The following GRID2 variants were observed in gnomAD, a reference collection of about 807,000 sequenced individuals.
GRID2 encodes the protein glutamate receptor ionotropic, delta-2.
A neutral mutation model predicts 114.8 loss-of-function variants in GRID2; 33 were observed. The ratio of observed to expected loss-of-function variants is 0.29; its 90% CI spans 0.22 to 0.38. The LOEUF (loss-of-function observed/expected upper bound fraction) is 0.38, where lower values mean the gene tolerates loss of function less well. Ranked by LOEUF, GRID2 falls within the 10% of genes least tolerant of loss-of-function variation. The pLI, the probability that GRID2 is intolerant of heterozygous loss-of-function variation, is 1.00. For missense variants in GRID2, 1,184 were observed against 1,257.7 expected, an observed-to-expected ratio of 0.94 and a Z score of 0.89; for synonymous variants, 505 against 449.9, an observed-to-expected ratio of 1.12 and a Z score of -1.55.
intron 4 of GRID2, among the ~76,000 whole-genome samples, chr4:93,160,369 C>T (rs1351293893): frequency 1.3e-5 from 2 of 151,736 alleles, no homozygotes; most frequent in East Asian, 3.9e-4. Context: ...TCCAGTTCGT[C>T]TCGAGTCTTA....
chr4:93,431,526 T>C (rs543649480), intron 10 of GRID2, among the ~76,000 whole-genome samples: 3 of 152,208 alleles, frequency 2.0e-5, no homozygotes, highest in Non-Finnish European at 4.4e-5. Flanking sequence ...GTTCACTAGA[T>C]TGGCCATTTG....
chr4:93,471,945 C>A (rs921746183), intron 11 of GRID2, among the ~76,000 whole-genome samples: 4 of 150,274 alleles, frequency 2.7e-5, no homozygotes, highest in Non-Finnish European at 5.9e-5. Flanking sequence ...GGTGGTCCGC[C>A]TGCCTTGGCC....
In GRID2 at chr4:93,633,049, A is replaced by C. The variant is rs181162897; in HGVS notation, c.2360+6614A>C. ...TTACTGGTGTATAAGATCTCTTTCT[A>C]TCTCTCTCTCTCTACACATGCATGC... On this transcript the variant is annotated intron_variant, in intron 14 of 15. Transcript: ENST00000282020. Among the ~76,000 whole-genome samples, 625 of 151,154 alleles carry C rather than the reference A, an allele frequency of 4.1e-3. 2 individuals carry two copies. Among genetic ancestry groups the C allele is most frequent in the African/African-American group, 0.014 (585 of 41,248 alleles).
rs149785206 is a variant in GRID2 at position 93,702,628 on chromosome 4, C to T, written c.2361-66582C>T. 2.7e-3 allele frequency among the ~76,000 whole-genome samples: 404 copies of T among 152,238 alleles called. 4 individuals carry two copies. The highest frequency in any genetic ancestry group is 9.3e-3 in the African/African-American group (386 of 41,566). On this transcript the variant is annotated intron_variant, in intron 14 of 15. Transcript: ENST00000282020. ...AATTGGAAACACGGAATTTATGGCA[C>T]ACCTTCAACATTAATGGCAAATAGC...
intron 2 of GRID2, among the ~76,000 whole-genome samples, chr4:92,844,879 C>CT (rs1743190908): frequency 1.3e-5 from 2 of 152,018 alleles, no homozygotes; most frequent in East Asian, 1.9e-4. Context: ...TAAAAAGTAT[C>CT]TTTTTTACTG....
chr4:93,128,044 A>AC (rs1560908443), intron 4 of GRID2, among the ~76,000 whole-genome samples: 2 of 143,550 alleles, frequency 1.4e-5, no homozygotes, highest in African/African-American at 5.4e-5. Flanking sequence ...AAAAAAAAAA[A>AC]AAAAAAAAAA....
intron 1 of GRID2, among the ~76,000 whole-genome samples, chr4:93,804,449 G>T (rs189697537): frequency 1.3e-5 from 2 of 152,180 alleles, no homozygotes. Context: ...ACAGAATACC[G>T]CAGGCAATTG....
intron 3 of GRID2, among the ~76,000 whole-genome samples, chr4:93,099,961 T>C (rs1259777095): frequency 6.6e-6 from 1 of 151,916 alleles, no homozygotes; most frequent in Non-Finnish European, 1.5e-5. Flanking sequence ...CTGATGACTA[T>C]AATATTACTG....
intron 13 of GRID2, among the ~76,000 whole-genome samples, chr4:93,535,231 T>TACACACACACACACACACACAC (rs141785727): frequency 1.4e-5 from 2 of 142,276 alleles, no homozygotes; most frequent in Non-Finnish European, 3.1e-5. Context: ...CACATACACA[T>TACACACACACACACACACACAC]ACACACACAC....
At position 93,061,039 on chromosome 4, in the gene GRID2, G is replaced by A. The variant is rs992126741; in HGVS notation, c.245-23956G>A. 5.9e-5 allele frequency among the ~76,000 whole-genome samples: 9 copies of A among 151,994 alleles called. No homozygotes were observed. In the East Asian group the frequency reaches 7.8e-4, roughly 13 times the overall value. ...AATTGCTTGACCCTGAGAGGCGGACGTTGCAGTGAGCCAAAATTGCACCAC... is the reference window on the plus strand; with the variant it reads ...AATTGCTTGACCCTGAGAGGCGGACATTGCAGTGAGCCAAAATTGCACCAC... On this transcript the variant is annotated intron_variant, in intron 2 of 15. Transcript: ENST00000282020.
At chr4:93,138,690 C>A in intron 4 of GRID2, among the ~76,000 whole-genome samples, 1 of 152,204 alleles carries the variant, frequency 6.6e-6, no homozygotes, top group East Asian at 1.9e-4. Context: ...CAGTTCTCTT[C>A]CTATCTCTAT....
chr4:92,679,602 AG>A (rs1733547744), intron 2 of GRID2, among the ~76,000 whole-genome samples: 1 of 152,068 alleles, frequency 6.6e-6, no homozygotes, highest in African/African-American at 2.4e-5. Context: ...TAAGGAAGTA[AG>A]GTATCTTCAT....
chr4:92,959,932 C>T (rs1752686052), intron 2 of GRID2, among the ~76,000 whole-genome samples: 1 of 151,640 alleles, frequency 6.6e-6, no homozygotes, highest in Admixed American at 6.6e-5. Context: ...TGCATCAAAC[C>T]ACCATGGCAC....
chr4:93,467,484 A>G (rs1724403519), intron 11 of GRID2, among the ~76,000 whole-genome samples: 2 of 152,322 alleles, frequency 1.3e-5, no homozygotes, highest in East Asian at 3.9e-4. Context: ...TTATCTACAA[A>G]GCTATAAGGA....
intron 2 of GRID2, among the ~76,000 whole-genome samples, chr4:92,648,817 C>T (rs2149259846): frequency 6.8e-6 from 1 of 147,386 alleles, no homozygotes; most frequent in South Asian, 2.1e-4. Context: ...ACATTTATTC[C>T]ATATTAATAA....
At chr4:92,812,754 G>A (rs1740718482) in intron 2 of GRID2, among the ~76,000 whole-genome samples, 1 of 152,074 alleles carries the variant, frequency 6.6e-6, no homozygotes, top group African/African-American at 2.4e-5. Flanking sequence ...TACAGAAAGT[G>A]TCTATAATTC....
At chr4:93,625,191 C>T (rs570879209) in intron 13 of GRID2, among the ~76,000 whole-genome samples, 1 of 152,176 alleles carries the variant, frequency 6.6e-6, no homozygotes, top group Non-Finnish European at 1.5e-5. Context: ...CAGAAGCCCA[C>T]CTGGCTTAGA....
At chr4:93,045,386 G>A (rs1365248073) in intron 2 of GRID2, among the ~76,000 whole-genome samples, 1 of 151,854 alleles carries the variant, frequency 6.6e-6, no homozygotes, top group Non-Finnish European at 1.5e-5. Context: ...TTACTCCTTT[G>A]TATTATGACA....
intron 14 of GRID2, among the ~76,000 whole-genome samples, chr4:93,668,006 A>G (rs1355558468): frequency 6.6e-6 from 1 of 151,994 alleles, no homozygotes; most frequent in Non-Finnish European, 1.5e-5. Flanking sequence ...TATATTTAAG[A>G]TGTTTCTGTA....
Sources: gnomAD v4.1 joint callset for allele counts (sites outside exome capture counted in the v4.1 genomes callset) on GRCh38, gnomAD v4.1.1 for gene constraint, MANE v1.5 for transcripts, NCBI Gene and HGNC (gene_info 2026-07-23, HGNC 2026-07-21) for gene names.